The following CCNB3 variants were observed in gnomAD, a reference collection of about 807,000 sequenced individuals.
CCNB3 encodes G2/mitotic-specific cyclin-B3.
In CCNB3, 12 loss-of-function variants were observed where a neutral mutation model predicts 68.0. That is an observed-to-expected ratio of 0.18 (90% CI 0.11 to 0.29). The LOEUF (loss-of-function observed/expected upper bound fraction) is 0.29, where lower values mean the gene tolerates loss of function less well. Ranked by LOEUF, CCNB3 falls within the 10% of genes least tolerant of loss-of-function variation. The probability of loss-of-function intolerance (pLI) is 1.00; values close to 1 mark genes in which losing one functional copy is unlikely to be tolerated. For synonymous variants in CCNB3, 354 were observed against 388.9 expected (o/e 0.91, Z 1.06); for missense variants, 904 against 993.1 (o/e 0.91, Z 1.21).
At chrX:50,312,346 A>C (rs1557215163) in intron 6 of CCNB3, among the ~76,000 whole-genome samples, 191 bp from the exon 7 acceptor site, 1 of 111,512 alleles carries the variant, frequency 9.0e-6, no homozygotes, top group Admixed American at 9.6e-5. Flanking sequence ...AAGTCTAGGC[A>C]TTTCTTGATC....
intron 10 of CCNB3, among the ~76,000 whole-genome samples, chrX:50,347,229 T>C (rs141230232): frequency 9.0e-6 from 1 of 111,055 alleles, no homozygotes; most frequent in East Asian, 2.8e-4. Flanking sequence ...GGTTGTAATT[T>C]TTAAAAAATA....
intron 1 of CCNB3, among the ~76,000 whole-genome samples, chrX:50,216,107 C>G (rs1337042746): frequency 9.3e-6 from 1 of 107,781 alleles, no homozygotes; most frequent in Non-Finnish European, 1.9e-5. Context: ...CACCACCACG[C>G]CTGGCTAATT....
chrX:50,226,284 T>TATATATAGAATATATATATAGAA (rs1935788564), intron 1 of CCNB3, among the ~76,000 whole-genome samples: 3 of 61,772 alleles, frequency 4.9e-5, no homozygotes, highest in East Asian at 4.9e-4. Flanking sequence ...TATATATTTA[T>TATATATAGAATATATATATAGAA]ATATATAGAA....
At chrX:50,293,767 G>T (rs782149438) in intron 4 of CCNB3, among the ~76,000 whole-genome samples, 1 of 111,329 alleles carries the variant, frequency 9.0e-6, no homozygotes, top group South Asian at 3.8e-4. Flanking sequence ...ACCTCCTGCA[G>T]ACCTATCCTA....
chrX:50,300,262 T>C (rs1387771904), intron 5 of CCNB3, among the ~76,000 whole-genome samples: 1 of 111,802 alleles, frequency 8.9e-6, no homozygotes, highest in Admixed American at 9.5e-5. Flanking sequence ...GTTTTTGCAG[T>C]GGCTGGTACC....
intron 1 of CCNB3, among the ~76,000 whole-genome samples, chrX:50,227,974 GAGAGAATATATATAAATATATAT>G (rs1935939646): frequency 4.8e-5 from 4 of 83,196 alleles, no homozygotes; most frequent in Admixed American, 1.6e-4. Flanking sequence ...TAAATATATA[GAGAGAATATATATAAATATATAT>G]AGAGAATATA....
chrX:50,288,826 A>C lies in CCNB3; in HGVS notation c.143A>C (p.Glu48Ala), dbSNP rs782175523. The C allele has an allele frequency of 5.0e-6, 6 of 1,209,142 alleles. 1 individual carries two copies. The South Asian group carries it at 8.8e-5, about 18-fold the overall frequency. The change falls in exon 4 of 13, where the codon GAG becomes GCG. Residue 48 changes from glutamate to alanine, a missense_variant. Physicochemically the swap from Glu to Ala is moderately radical, Grantham distance 107. Transcript: ENST00000376042. ...AAGATATCTCCATCTTCACTTCAGGAGTCTCCATCTTCACTTCAGGGAGCA... is the reference window on the plus strand; with the variant it reads ...AAGATATCTCCATCTTCACTTCAGGCGTCTCCATCTTCACTTCAGGGAGCA... ...QTKISPSSLQ[E>A]SPSSLQGALK...
intron 8 of CCNB3, among the ~76,000 whole-genome samples, chrX:50,314,188 T>A (rs782363082): frequency 8.9e-6 from 1 of 112,521 alleles, no homozygotes; most frequent in Admixed American, 9.4e-5. Flanking sequence ...GAGAACTAAT[T>A]GAAAGGAGAG....
chrX:50,282,831 G>A (rs748064491), intron 1 of CCNB3, among the ~76,000 whole-genome samples: 5 of 111,022 alleles, frequency 4.5e-5, no homozygotes, highest in Admixed American at 1.9e-4. Flanking sequence ...TGTGGGCTCC[G>A]TATTTCTTTT....
chrX:50,203,079 A>G (rs911503213), upstream of CCNB3, among the ~76,000 whole-genome samples: 3 of 111,747 alleles, frequency 2.7e-5, no homozygotes, highest in Non-Finnish European at 5.6e-5. Context: ...CCAAATATTG[A>G]GATATTAAAC....
At chrX:50,226,377 A>AT (rs1935799060) in intron 1 of CCNB3, among the ~76,000 whole-genome samples, 1 of 47,694 alleles carries the variant, frequency 2.1e-5, no homozygotes, top group Non-Finnish European at 3.4e-5. Context: ...TATATATAAA[A>AT]ATATATATAT....
At position 50,291,244 on chromosome X, in the gene CCNB3, A is replaced by G. The variant is rs1490610081; in HGVS notation, c.204+2357A>G. On this transcript the variant is annotated intron_variant, in intron 4 of 12. Coordinates refer to ENST00000376042, the MANE Select transcript of CCNB3 (RefSeq NM_033031.3). ...AGACAAGGAGATAGGGCCTATATCC[A>G]TGTTTGCCTAAATGGTTTTGCGTAA... Among the ~76,000 whole-genome samples the G allele has an allele frequency of 6.3e-5, 7 of 111,925 alleles. No individual in the cohort carries two copies. The Admixed American group carries it at 6.7e-4, about 11-fold the overall frequency.
At chrX:50,302,951 G>T (rs781852858) in intron 5 of CCNB3, among the ~76,000 whole-genome samples, 1 of 111,358 alleles carries the variant, frequency 9.0e-6, no homozygotes, top group East Asian at 2.8e-4. Context: ...TTGAAAACTT[G>T]TTTTCAATTC....
At chrX:50,317,543 T>TATGTATGTATGTATGTATGTATG (rs1557215939) in intron 8 of CCNB3, among the ~76,000 whole-genome samples, 1 of 99,683 alleles carries the variant, frequency 1.0e-5, no homozygotes, top group African/African-American at 3.8e-5. Context: ...GTATTTAAAT[T>TATGTATGTATGTATGTATGTATG]TATGTATGTA....
chrX:50,343,593 C>T (rs1177016014), intron 9 of CCNB3, among the ~76,000 whole-genome samples: 1 of 111,220 alleles, frequency 9.0e-6, no homozygotes, highest in Non-Finnish European at 1.9e-5. Context: ...GTGGTCCCAG[C>T]TACATAGGAT....
chrX:50,311,739 C>T (rs1328364642), intron 6 of CCNB3, among the ~76,000 whole-genome samples: 1 of 110,331 alleles, frequency 9.1e-6, no homozygotes, highest in Non-Finnish European at 1.9e-5. Flanking sequence ...GCAGAATCAT[C>T]TCTTCTCACC....
In CCNB3 at chrX:50,209,417, G is replaced by A. The variant is rs1313821820; in HGVS notation, c.-113+4467G>A. On this transcript the variant is annotated intron_variant, in intron 1 of 12. Coordinates refer to ENST00000376042, the MANE Select transcript of CCNB3 (RefSeq NM_033031.3). ...GTCACCCAGACTGGGGTGCAGTGGC[G>A]CGATCTCAGCTCACTGCAACCTCTG... 7.1e-4 allele frequency among the ~76,000 whole-genome samples: 79 copies of A among 110,666 alleles called. 1 individual carries two copies. The highest frequency in any genetic ancestry group is 2.4e-3 in the African/African-American group (72 of 30,378).
In CCNB3 at chrX:50,340,322, G is replaced by A. The variant is rs569331057; in HGVS notation, c.3517-1880G>A. On this transcript the variant is annotated intron_variant, in intron 8 of 12. Transcript: ENST00000376042. ...TTAAAGCCATTCAAAAAGAGATTGGGCTGTATTTAGAGGTTTGTATGGCAG... is the reference window on the plus strand; with the variant it reads ...TTAAAGCCATTCAAAAAGAGATTGGACTGTATTTAGAGGTTTGTATGGCAG... 6.3e-4 allele frequency among the ~76,000 whole-genome samples: 71 copies of A among 112,055 alleles called. No homozygotes were observed. In the Middle Eastern group the frequency reaches 0.014, roughly 22 times the overall value.
At chrX:50,298,578 T>G (rs1315091115) in intron 5 of CCNB3, among the ~76,000 whole-genome samples, 1 of 111,881 alleles carries the variant, frequency 8.9e-6, no homozygotes, top group Non-Finnish European at 1.9e-5. Context: ...ATCAAAGATA[T>G]TGGTCTAAAA....
Sources: allele counts gnomAD v4.1 joint callset (sites outside exome capture counted in the v4.1 genomes callset), GRCh38; gene constraint gnomAD v4.1.1; transcripts MANE v1.5; gene names NCBI Gene and HGNC (gene_info 2026-07-23, HGNC 2026-07-21).